Variants in PLAUR observed in about 807,000 individuals in gnomAD.
PLAUR encodes urokinase plasminogen activator surface receptor.
A neutral mutation model predicts 33.4 loss-of-function variants in PLAUR; 22 were observed. That is an observed-to-expected ratio of 0.66 (90% CI 0.47 to 0.94). PLAUR has a LOEUF of 0.94. Ranked by LOEUF, PLAUR falls within the 40% of genes least tolerant of loss-of-function variation. The pLI is 0.00. For missense variants in PLAUR, 408 were observed against 434.7 expected, an observed-to-expected ratio of 0.94 and a Z score of 0.55; for synonymous variants, 148 against 167.3, an observed-to-expected ratio of 0.88 and a Z score of 0.89.
At position 43,665,420 on chromosome 19, in the gene PLAUR, T is replaced by C. The variant is rs753768463; in HGVS notation, c.206A>G (p.His69Arg). The change falls in exon 3 of 7, where the codon CAC becomes CGC. Residue 69 changes from histidine (H) to arginine (R), a missense_variant. Coordinates refer to ENST00000340093, the MANE Select transcript of PLAUR (RefSeq NM_002659.4). Reference protein sequence around the residue: ...ELELVEKSCTHSEKTNRTLSY... With the variant: ...ELELVEKSCTRSEKTNRTLSY... ...CAGGGTCCTGTTGGTCTTCTCTGAG[T>C]GGGTACAGCTTTTCTCCACCAGCTC... is the stretch of plus-strand genomic sequence containing the variant. The C allele has an allele frequency of 6.2e-7, 1 of 1,613,194 alleles. No homozygotes were observed. Among genetic ancestry groups the C allele is most frequent in the Admixed American group, 1.7e-5 (1 of 59,906 alleles).
intron 3 of PLAUR, among the ~76,000 whole-genome samples, chr19:43,659,130 A>G (rs554824292): frequency 5.5e-5 from 8 of 146,690 alleles, no homozygotes; most frequent in African/African-American, 2.0e-4. Flanking sequence ...GTAAATGCCA[A>G]TGATCCTTAG....
chr19:43,669,668 C>T (rs1469455476), intron 1 of PLAUR, among the ~76,000 whole-genome samples: 2 of 151,796 alleles, frequency 1.3e-5, no homozygotes, highest in Admixed American at 1.3e-4. Flanking sequence ...AGAAATTAGC[C>T]GGGCGCGATG....
chr19:43,653,518 GC>G (rs530987979), intron 5 of PLAUR, among the ~76,000 whole-genome samples: 24 of 152,358 alleles, frequency 1.6e-4, no homozygotes, highest in Admixed American at 5.9e-4. Context: ...ATGAACGTCA[GC>G]ACAGCGGCTC....
chr19:43,651,724 C>T, intron 6 of PLAUR: 1 of 870,590 alleles, frequency 1.1e-6, no homozygotes, highest in African/African-American at 1.8e-5. Flanking sequence ...GCGTGAGCCA[C>T]CACACCTGGC....
intron 6 of PLAUR, among the ~76,000 whole-genome samples, chr19:43,650,026 TTTTGAGATGG>T (rs1156551042): frequency 6.6e-6 from 1 of 151,872 alleles, no homozygotes; most frequent in Non-Finnish European, 1.5e-5. Flanking sequence ...TTGTTTTTTT[TTTTGAGATGG>T]AGTCTCACTC....
chr19:43,647,335 G>A (rs1973841128), downstream of PLAUR, among the ~76,000 whole-genome samples: 1 of 152,150 alleles, frequency 6.6e-6, no homozygotes, highest in Non-Finnish European at 1.5e-5. Context: ...TCACTGCAGT[G>A]CATGCAGGGA....
intron 4 of PLAUR, among the ~76,000 whole-genome samples, chr19:43,655,970 G>A (rs978624637): frequency 2.0e-5 from 3 of 151,906 alleles, no homozygotes; most frequent in Admixed American, 2.0e-4. Context: ...GAAACAAGAG[G>A]GTGGCCGGGC....
chr19:43,666,833 T>A (rs1416157566), intron 2 of PLAUR, among the ~76,000 whole-genome samples: 1 of 151,312 alleles, frequency 6.6e-6, no homozygotes, highest in Admixed American at 6.6e-5. Context: ...CCTCCCAAAG[T>A]GCTGGGATTA....
At position 43,664,864 on chromosome 19, in the gene PLAUR, C is replaced by T. The variant is rs4251835; in HGVS notation, c.310+452G>A. Among the ~76,000 whole-genome samples the T allele has an allele frequency of 4.5e-3, 681 of 152,304 alleles. 5 individuals are homozygous for T. The highest frequency in any genetic ancestry group is 0.016 in the African/African-American group (657 of 41,562). Reference sequence around the variant, plus strand: ...CATCACTGAGACATCTCATCTATGTCTCATGCATGCGTGTGAGCTTGTTAA... The same window carrying T: ...CATCACTGAGACATCTCATCTATGTTTCATGCATGCGTGTGAGCTTGTTAA... On this transcript the variant is annotated intron_variant, in intron 3 of 6. Transcript: ENST00000340093.
Position 43,648,626 on chromosome 19 carries a change from TATTA to T in PLAUR, c.*260_*263del, listed in dbSNP as rs1973865443. ...GTAAGTATAAAATAAATAATATGAA[TATTA>T]ATTAATAACAACAACACAACAGCGG... On this transcript the variant is annotated 3_prime_UTR_variant, in exon 7 of 7. Coordinates refer to ENST00000340093, the MANE Select transcript of PLAUR (RefSeq NM_002659.4). The T allele has an allele frequency of 2.4e-6, 2 of 826,316 alleles. No homozygotes were observed. The highest frequency in any genetic ancestry group is 4.5e-5 in the South Asian group (1 of 22,056). The allele number at this position is 826,316 out of a possible 1,614,324, so 51.2% of individuals were successfully genotyped here.
intron 2 of PLAUR, 63 bp from the exon 3 acceptor site, chr19:43,665,522 C>A: frequency 6.4e-7 from 1 of 1,567,958 alleles, no homozygotes; most frequent in Non-Finnish European, 8.8e-7. Context: ...CTCTGACACT[C>A]CTGGTCTCAA....
At chr19:43,667,713 G>C (rs376429096) in intron 1 of PLAUR, 22 bp from the exon 2 acceptor site, 6 of 1,612,240 alleles carry the variant, frequency 3.7e-6, no homozygotes, top group Non-Finnish European at 5.1e-6. Flanking sequence ...AGGGAGAGGA[G>C]AGGAGAGGTT....
Position 43,665,476 on chromosome 19 carries a change from T to G in PLAUR, c.167-17A>C, listed in dbSNP as rs371081407. On this transcript the variant is annotated splice_polypyrimidine_tract_variant and intron_variant, in intron 2 of 6. Transcript: ENST00000340093. Reference sequence around the variant, plus strand: ...CTTCTCCTTCTGCAAGGAGGGGATCTTCATTACCCCAGAGGCTCCTCTCAG... The same window carrying G: ...CTTCTCCTTCTGCAAGGAGGGGATCGTCATTACCCCAGAGGCTCCTCTCAG... The G allele has an allele frequency of 4.3e-6, 7 of 1,612,074 alleles. No homozygotes were observed. The highest frequency in any genetic ancestry group is 5.9e-6 in the Non-Finnish European group (7 of 1,179,526).
intron 3 of PLAUR, among the ~76,000 whole-genome samples, chr19:43,663,897 T>A (rs1967117993): frequency 6.6e-6 from 1 of 151,540 alleles, no homozygotes; most frequent in East Asian, 1.9e-4. Flanking sequence ...GATTCCTGAA[T>A]TGATAGCTGC....
At chr19:43,660,199 C>T (rs1966913005) in intron 3 of PLAUR, among the ~76,000 whole-genome samples, 1 of 144,984 alleles carries the variant, frequency 6.9e-6, no homozygotes. Context: ...AGAGTCTTGC[C>T]CTCTCGCTCA....
At chr19:43,646,788 CT>C (rs71169269), downstream of PLAUR, among the ~76,000 whole-genome samples, 5,163 of 104,868 alleles carry the variant, frequency 0.049, 96 homozygotes, top group African/African-American at 0.11. Flanking sequence ...TGGAAGATGT[CT>C]TTTTTTTTTT....
chr19:43,661,037 G>A (rs1380636111), intron 3 of PLAUR: 6 of 152,102 alleles, frequency 3.9e-5, no homozygotes, highest in Admixed American at 6.6e-5. Context: ...AGCCTTGTTC[G>A]CTTTTGTAGC....
intron 3 of PLAUR, among the ~76,000 whole-genome samples, chr19:43,657,349 C>T (rs1974255913): frequency 6.6e-6 from 1 of 152,162 alleles, no homozygotes; most frequent in African/African-American, 2.4e-5. Flanking sequence ...AGATCCTCAG[C>T]ATGGGATTCA....
At chr19:43,660,181 T>TCTG (rs1966911093) in intron 3 of PLAUR, among the ~76,000 whole-genome samples, 1 of 148,078 alleles carries the variant, frequency 6.8e-6, no homozygotes, top group African/African-American at 2.5e-5. Flanking sequence ...TTTGTTTTGT[T>TCTG]TTGAGACAGA....
Sources: gnomAD v4.1 joint callset for allele counts (sites outside exome capture counted in the v4.1 genomes callset) on GRCh38, gnomAD v4.1.1 for gene constraint, MANE v1.5 for transcripts, NCBI Gene and HGNC (gene_info 2026-07-23, HGNC 2026-07-21) for gene names.